The following TMEM164 variants were observed in gnomAD, a reference collection of about 807,000 sequenced individuals.
The protein encoded by TMEM164 is transmembrane protein 164, also known as RP13-360B22.2.
Under a neutral mutation model 18.8 loss-of-function variants are expected in TMEM164, and 4 were observed. That is an observed-to-expected ratio of 0.21 (90% confidence interval 0.10 to 0.49). The LOEUF is 0.49. Among genes scored for constraint, TMEM164 ranks in the 20% least tolerant of loss-of-function variants. The probability of loss-of-function intolerance (pLI) is 0.98; values close to 1 mark genes in which losing one functional copy is unlikely to be tolerated. For missense variants in TMEM164, 108 were observed against 239.9 expected (o/e 0.45, Z 3.63); for synonymous variants, 86 against 101.7 (o/e 0.85, Z 0.93).
intron 2 of TMEM164, among the ~76,000 whole-genome samples, chrX:110,056,133 C>G (rs989851318): frequency 9.0e-6 from 1 of 111,266 alleles, no homozygotes; most frequent in African/African-American, 3.3e-5. Context: ...AGAACATTTT[C>G]ATCATCCAAA....
chrX:110,053,586 G>C (rs1935672068), intron 2 of TMEM164, among the ~76,000 whole-genome samples: 1 of 111,789 alleles, frequency 8.9e-6, no homozygotes, highest in Non-Finnish European at 1.9e-5. Context: ...GTTCATTGGT[G>C]GTGGAGCACT....
chrX:110,138,081 A>G (rs929788042), intron 4 of TMEM164, among the ~76,000 whole-genome samples: 2 of 112,006 alleles, frequency 1.8e-5, no homozygotes, highest in Non-Finnish European at 3.8e-5. Context: ...AGAATGATGA[A>G]ATGAAACCCC....
chrX:110,126,453 C>A (rs762547279), intron 4 of TMEM164, among the ~76,000 whole-genome samples: 1 of 111,972 alleles, frequency 8.9e-6, no homozygotes, highest in African/African-American at 3.2e-5. Flanking sequence ...AGAGACTTAT[C>A]CATAGCCTAC....
chrX:110,105,679 G>GACACACAC (rs758900532), intron 3 of TMEM164, among the ~76,000 whole-genome samples: 1,335 of 65,389 alleles, frequency 0.02, 15 homozygotes, highest in Admixed American at 0.043. Context: ...TAGAAACACA[G>GACACACAC]ACACACACAC....
intron 5 of TMEM164, among the ~76,000 whole-genome samples, chrX:110,160,716 A>G (rs16985945): frequency 0.051 from 5,653 of 111,169 alleles, 366 homozygotes; most frequent in African/African-American, 0.18. Flanking sequence ...CTTGACACCC[A>G]GTAATAAGGT....
intron 2 of TMEM164, among the ~76,000 whole-genome samples, chrX:110,026,770 C>T (rs1454852929): frequency 8.9e-6 from 1 of 111,755 alleles, no homozygotes; most frequent in Non-Finnish European, 1.9e-5. Context: ...TAAACTTAAC[C>T]AACTGCTTGG....
intron 5 of TMEM164, among the ~76,000 whole-genome samples, chrX:110,151,557 G>A (rs1235500770): frequency 8.9e-6 from 1 of 111,939 alleles, no homozygotes; most frequent in East Asian, 2.8e-4. Flanking sequence ...GAGGTGGGTG[G>A]ATCACCTGAG....
chrX:110,029,429 G>A (rs1477739376), intron 2 of TMEM164, among the ~76,000 whole-genome samples: 2 of 111,607 alleles, frequency 1.8e-5, no homozygotes, highest in African/African-American at 6.5e-5. Flanking sequence ...TGCCTTTTAG[G>A]TTCAATGACT....
At chrX:110,030,822 A>G (rs1490194057) in intron 2 of TMEM164, among the ~76,000 whole-genome samples, 7 of 109,672 alleles carry the variant, frequency 6.4e-5, no homozygotes, top group Non-Finnish European at 1.1e-4. Flanking sequence ...AAAAAAAAAA[A>G]AAAGAAAAAG....
intron 2 of TMEM164, among the ~76,000 whole-genome samples, chrX:110,059,193 T>G (rs143050667): frequency 0.01 from 1,164 of 111,416 alleles, 10 homozygotes; most frequent in African/African-American, 0.034. Flanking sequence ...TTAATTCTTT[T>G]GCCTGTGGAT....
intron 4 of TMEM164, among the ~76,000 whole-genome samples, chrX:110,135,065 ATATAT>A (rs1482567962): frequency 8.3e-4 from 89 of 106,942 alleles, no homozygotes; most frequent in African/African-American, 2.9e-3. Context: ...GTTATAAAAA[ATATAT>A]ATATACAAGT....
intron 2 of TMEM164, among the ~76,000 whole-genome samples, chrX:110,029,122 A>G (rs925214274): frequency 9.0e-6 from 1 of 111,423 alleles, no homozygotes. Flanking sequence ...GCTCCAGGGA[A>G]GAAACACCCT....
At chrX:110,165,669 T>C (rs928859388) in intron 5 of TMEM164, among the ~76,000 whole-genome samples, 2 of 112,371 alleles carry the variant, frequency 1.8e-5, no homozygotes, top group Middle Eastern at 4.6e-3. Context: ...GCACTAGACC[T>C]GGACATAACA....
At chrX:110,139,876 G>A (rs1176534045) in intron 4 of TMEM164, among the ~76,000 whole-genome samples, 1 of 110,585 alleles carries the variant, frequency 9.0e-6, no homozygotes, top group Non-Finnish European at 1.9e-5. Flanking sequence ...GGATATTAGA[G>A]GGAGTGAATT....
intron 2 of TMEM164, among the ~76,000 whole-genome samples, chrX:110,060,337 C>T (rs1936066628): frequency 9.6e-6 from 1 of 104,541 alleles, no homozygotes; most frequent in Non-Finnish European, 2.0e-5. Flanking sequence ...GGACTGAATA[C>T]ATGTGGGGCT....
At position 110,003,839 on chromosome X, in the gene TMEM164, C is replaced by T. The variant is rs199530328; in HGVS notation, c.65C>T (p.Ala22Val). Residue 22 changes from alanine (A) to valine (V), a missense_variant, in exon 2 of 7, where the codon GCA (alanine) becomes GTA (valine). Coordinates refer to ENST00000372068, the MANE Select transcript of TMEM164 (RefSeq NM_032227.4). ...WLYGGVDPSFAGNGGPDCAAF... is the reference protein window; with the variant it reads ...WLYGGVDPSFVGNGGPDCAAF... ...TATGGGGGCGTGGACCCCAGTTTTG[C>T]AGGCAATGGGGGCCCCGACTGTGCT... is the stretch of plus-strand genomic sequence containing the variant. 1.7e-6 allele frequency: 2 copies of T among 1,211,464 alleles called. No homozygotes were observed. The highest frequency in any genetic ancestry group is 3.0e-5 in the East Asian group (1 of 33,852).
intron 5 of TMEM164, among the ~76,000 whole-genome samples, chrX:110,167,493 T>C (rs771089550): frequency 8.9e-6 from 1 of 112,473 alleles, no homozygotes; most frequent in Non-Finnish European, 1.9e-5. Flanking sequence ...GTGGACTCTG[T>C]TGCACAATGT....
intron 4 of TMEM164, among the ~76,000 whole-genome samples, chrX:110,111,120 A>G (rs2066284329): frequency 8.9e-6 from 1 of 112,346 alleles, no homozygotes; most frequent in Admixed American, 9.4e-5. Flanking sequence ...CAGTAGGCAC[A>G]GGCCGCTGAC....
intron 5 of TMEM164, among the ~76,000 whole-genome samples, chrX:110,149,219 G>C (rs1448450296): frequency 9.0e-6 from 1 of 111,280 alleles, no homozygotes; most frequent in Non-Finnish European, 1.9e-5. Context: ...ATGTTTATCT[G>C]TTTGCCACCT....
Sources: allele counts gnomAD v4.1 joint callset (sites outside exome capture counted in the v4.1 genomes callset), GRCh38; gene constraint gnomAD v4.1.1; transcripts MANE v1.5; gene names NCBI Gene and HGNC (gene_info 2026-07-23, HGNC 2026-07-21).